The following HCN1 variants were observed in gnomAD, a reference collection of about 807,000 sequenced individuals.
HCN1 encodes the protein hyperpolarization activated cyclic nucleotide gated potassium channel 1.
Under a neutral mutation model 78.9 loss-of-function variants are expected in HCN1, and 13 were observed. That is an observed-to-expected ratio of 0.16 (90% CI 0.11 to 0.26). The LOEUF is 0.26. Among genes scored for constraint, HCN1 ranks in the 10% least tolerant of loss-of-function variants. The probability of loss-of-function intolerance (pLI) is 1.00; values close to 1 mark genes in which losing one functional copy is unlikely to be tolerated. For synonymous variants in HCN1, 552 were observed against 455.5 expected (o/e 1.21, Z -2.70); for missense variants, 810 against 1,154.3 (o/e 0.70, Z 4.32).
At chr5:45,545,453 T>C (rs564880744) in intron 2 of HCN1, among the ~76,000 whole-genome samples, 1 of 152,214 alleles carries the variant, frequency 6.6e-6, no homozygotes, top group Non-Finnish European at 1.5e-5. Flanking sequence ...TTAGTTTAAT[T>C]AGATCCCATT....
chr5:45,413,019 A>G (rs1248672769), intron 3 of HCN1, among the ~76,000 whole-genome samples: 1 of 152,062 alleles, frequency 6.6e-6, no homozygotes, highest in African/African-American at 2.4e-5. Context: ...TCTGGTTAAA[A>G]TGGGGAATGA....
At chr5:45,686,134 T>C (rs1739804743) in intron 1 of HCN1, among the ~76,000 whole-genome samples, 1 of 151,624 alleles carries the variant, frequency 6.6e-6, no homozygotes. Context: ...TTTTTTTCTA[T>C]TATAATTGAG....
At chr5:45,265,122 G>A (rs1390444981) in intron 7 of HCN1, among the ~76,000 whole-genome samples, 7 of 151,002 alleles carry the variant, frequency 4.6e-5, no homozygotes, top group African/African-American at 9.7e-5. Context: ...CCTGGGAGGC[G>A]GAGGCTGCAG....
intron 2 of HCN1, among the ~76,000 whole-genome samples, chr5:45,602,411 A>C (rs1351581628): frequency 6.6e-6 from 1 of 152,116 alleles, no homozygotes; most frequent in Non-Finnish European, 1.5e-5. Flanking sequence ...CACAGCGAGA[A>C]GGCTTCCATA....
At chr5:45,612,901 G>T (rs1744866595) in intron 2 of HCN1, among the ~76,000 whole-genome samples, 1 of 152,132 alleles carries the variant, frequency 6.6e-6, no homozygotes, top group Admixed American at 6.5e-5. Flanking sequence ...CTAAATATCG[G>T]AAGATGCATA....
intron 4 of HCN1, among the ~76,000 whole-genome samples, chr5:45,369,840 G>A (rs182318931): frequency 1.8e-4 from 28 of 152,004 alleles, no homozygotes; most frequent in South Asian, 6.2e-4. Flanking sequence ...TAATTATAGC[G>A]CAAGCTAAAA....
chr5:45,604,550 T>C (rs1744689084), intron 2 of HCN1, among the ~76,000 whole-genome samples: 1 of 151,914 alleles, frequency 6.6e-6, no homozygotes, highest in Non-Finnish European at 1.5e-5. Context: ...TGCTGATAAA[T>C]GATTATTCAA....
In HCN1 at chr5:45,474,406, T is replaced by G. The variant is rs144583409; in HGVS notation, c.850-12399A>C. On this transcript the variant is annotated intron_variant, in intron 2 of 7. Transcript: ENST00000303230. ...TATAAATCTCTCTCTGTAAAAATTT[T>G]TAAACTGTAAATTCCCTACTTTGGA... 5.1e-3 allele frequency among the ~76,000 whole-genome samples: 781 copies of G among 151,978 alleles called. 10 individuals are homozygous for G. The highest frequency in any genetic ancestry group is 0.017 in the African/African-American group (695 of 41,530).
At chr5:45,554,715 A>G (rs1345749849) in intron 2 of HCN1, among the ~76,000 whole-genome samples, 2 of 151,824 alleles carry the variant, frequency 1.3e-5, no homozygotes, top group Non-Finnish European at 2.9e-5. Flanking sequence ...GCAAGGAGTT[A>G]TTTAATTGCC....
At chr5:45,424,119 C>CAAAAAAAAAAA (rs35117761) in intron 3 of HCN1, among the ~76,000 whole-genome samples, 18 of 67,888 alleles carry the variant, frequency 2.7e-4, no homozygotes, top group Non-Finnish European at 3.3e-4. Flanking sequence ...ACTAAAAATC[C>CAAAAAAAAAAA]AAAAAAAAAA....
intron 1 of HCN1, among the ~76,000 whole-genome samples, chr5:45,683,947 A>T (rs978907078): frequency 6.6e-5 from 10 of 152,002 alleles, no homozygotes; most frequent in African/African-American, 2.2e-4. Flanking sequence ...CTAGGATTAC[A>T]GGCATGAGCC....
chr5:45,611,551 C>T (rs1390063666), intron 2 of HCN1, among the ~76,000 whole-genome samples: 1 of 151,962 alleles, frequency 6.6e-6, no homozygotes, highest in Non-Finnish European at 1.5e-5. Flanking sequence ...GGATTACATG[C>T]ATGAGCCACG....
intron 1 of HCN1, among the ~76,000 whole-genome samples, chr5:45,667,445 C>G: frequency 6.6e-6 from 1 of 151,800 alleles, no homozygotes; most frequent in East Asian, 1.9e-4. Flanking sequence ...GACTTACAAC[C>G]CCCATCACAC....
At chr5:45,324,945 C>T (rs1746206131) in intron 5 of HCN1, among the ~76,000 whole-genome samples, 1 of 151,750 alleles carries the variant, frequency 6.6e-6, no homozygotes, top group African/African-American at 2.4e-5. Flanking sequence ...TTGGAGCAGT[C>T]CTTAGTGCCC....
chr5:45,355,687 C>T (rs966926553), intron 4 of HCN1, among the ~76,000 whole-genome samples: 1 of 151,942 alleles, frequency 6.6e-6, no homozygotes, highest in Middle Eastern at 3.4e-3. Context: ...GAGGATGTGT[C>T]AAATGAGGCG....
At chr5:45,569,052 C>A (rs1743773890) in intron 2 of HCN1, among the ~76,000 whole-genome samples, 1 of 152,038 alleles carries the variant, frequency 6.6e-6, no homozygotes, top group South Asian at 2.1e-4. Context: ...TGGTGTCCTG[C>A]CCTACACCCA....
At chr5:45,597,809 T>C (rs1744531198) in intron 2 of HCN1, among the ~76,000 whole-genome samples, 1 of 152,156 alleles carries the variant, frequency 6.6e-6, no homozygotes, top group Non-Finnish European at 1.5e-5. Context: ...GAACACCCAT[T>C]CACAACTGCT....
chr5:45,281,312 T>G (rs1049434241), intron 6 of HCN1, among the ~76,000 whole-genome samples: 2 of 150,686 alleles, frequency 1.3e-5, no homozygotes, highest in African/African-American at 4.9e-5. Context: ...TACTTCCCCC[T>G]TCTCTCTCTC....
chr5:45,297,982 C>T (rs976425648), intron 6 of HCN1, among the ~76,000 whole-genome samples: 1 of 106,892 alleles, frequency 9.4e-6, no homozygotes, highest in East Asian at 2.6e-4. Flanking sequence ...TTAAGAACAT[C>T]TGAAAAAAAA....
Sources: gnomAD v4.1 joint callset for allele counts (sites outside exome capture counted in the v4.1 genomes callset) on GRCh38, gnomAD v4.1.1 for gene constraint, MANE v1.5 for transcripts, NCBI Gene and HGNC (gene_info 2026-07-23, HGNC 2026-07-21) for gene names.